The following IMMP2L variants were observed in gnomAD, a reference collection of about 807,000 sequenced individuals.
IMMP2L encodes the protein inner mitochondrial membrane peptidase subunit 2.
A neutral mutation model predicts 19.3 loss-of-function variants in IMMP2L; 18 were observed. The ratio of observed to expected loss-of-function variants is 0.93; its 90% confidence interval spans 0.64 to 1.38. The LOEUF is 1.38. Ranked by LOEUF, IMMP2L falls within the 40% of genes most tolerant of loss-of-function variation. The pLI, the probability that IMMP2L is intolerant of heterozygous loss-of-function variation, is 0.00. For synonymous variants in IMMP2L, 76 were observed against 73.0 expected (o/e 1.04, Z -0.21); for missense variants, 233 against 218.2 (o/e 1.07, Z -0.43).
intron 3 of IMMP2L, among the ~76,000 whole-genome samples, chr7:110,978,550 C>G (rs1162323322): frequency 6.6e-6 from 1 of 151,756 alleles, no homozygotes; most frequent in Non-Finnish European, 1.5e-5. Context: ...AGGTAAGTAA[C>G]AGTAAAGAAA....
At chr7:110,932,719 A>G (rs181183727) in intron 4 of IMMP2L, among the ~76,000 whole-genome samples, 1 of 152,268 alleles carries the variant, frequency 6.6e-6, no homozygotes, top group Admixed American at 6.5e-5. Context: ...TGCCTTTGCA[A>G]AAAAAGGGGA....
At chr7:111,436,340 T>C (rs75578523) in intron 3 of IMMP2L, among the ~76,000 whole-genome samples, 9,297 of 151,758 alleles carry the variant, frequency 0.061, 388 homozygotes, top group Middle Eastern at 0.089. Flanking sequence ...AAAAATGACA[T>C]TGGGCTGGAA....
chr7:111,481,077 C>T (rs920377894), intron 3 of IMMP2L, among the ~76,000 whole-genome samples: 1 of 152,092 alleles, frequency 6.6e-6, no homozygotes, highest in African/African-American at 2.4e-5. Context: ...CCACACTGGC[C>T]ATCTATCAGA....
intron 3 of IMMP2L, among the ~76,000 whole-genome samples, chr7:111,290,651 C>T (rs938318203): frequency 6.6e-6 from 1 of 152,072 alleles, no homozygotes; most frequent in African/African-American, 2.4e-5. Flanking sequence ...AAATAGGCAA[C>T]TGAGAAATAT....
At chr7:111,311,522 C>T (rs573353138) in intron 3 of IMMP2L, among the ~76,000 whole-genome samples, 4 of 152,104 alleles carry the variant, frequency 2.6e-5, no homozygotes, top group Non-Finnish European at 5.9e-5. Context: ...TGGTAAATGA[C>T]TGAGATCACA....
chr7:111,065,455 T>C (rs183606178), intron 3 of IMMP2L, among the ~76,000 whole-genome samples: 2 of 152,278 alleles, frequency 1.3e-5, no homozygotes, highest in Non-Finnish European at 2.9e-5. Context: ...ATACTGAGTG[T>C]CAACTTGATT....
chr7:110,890,668 G>C (rs1810699975), intron 4 of IMMP2L, among the ~76,000 whole-genome samples: 1 of 152,114 alleles, frequency 6.6e-6, no homozygotes, highest in Non-Finnish European at 1.5e-5. Flanking sequence ...AGCCTACAAG[G>C]TTGTATGTAT....
intron 2 of IMMP2L, among the ~76,000 whole-genome samples, chr7:111,517,785 T>TA (rs899216435): frequency 2.0e-5 from 3 of 152,034 alleles, no homozygotes; most frequent in African/African-American, 4.8e-5. Context: ...GCTTCTTTTT[T>TA]AAAAAAAGAA....
At chr7:111,377,667 T>C (rs1287799321) in intron 3 of IMMP2L, among the ~76,000 whole-genome samples, 1 of 152,054 alleles carries the variant, frequency 6.6e-6, no homozygotes, top group Non-Finnish European at 1.5e-5. Flanking sequence ...TTCTGTGATA[T>C]AACCACATTT....
chr7:111,344,960 G>A (rs1329510296), intron 3 of IMMP2L, among the ~76,000 whole-genome samples: 2 of 151,988 alleles, frequency 1.3e-5, no homozygotes, highest in Non-Finnish European at 2.9e-5. Flanking sequence ...AGAATATGAG[G>A]CAAAACAACA....
intron 5 of IMMP2L, among the ~76,000 whole-genome samples, chr7:110,851,935 C>T (rs1236573496): frequency 6.6e-6 from 1 of 151,972 alleles, no homozygotes; most frequent in Non-Finnish European, 1.5e-5. Context: ...GAGTCTACAT[C>T]CCTACCCTTG....
chr7:110,968,550 G>A (rs1405724268), intron 3 of IMMP2L, among the ~76,000 whole-genome samples: 1 of 152,118 alleles, frequency 6.6e-6, no homozygotes, highest in African/African-American at 2.4e-5. Context: ...ACATGTGCCT[G>A]TAGTCCCAGT....
intron 3 of IMMP2L, among the ~76,000 whole-genome samples, chr7:111,171,657 T>G (rs1806464097): frequency 6.6e-6 from 1 of 151,592 alleles, no homozygotes; most frequent in Admixed American, 6.6e-5. Context: ...AAAAGATTAA[T>G]ATCCTGAAGA....
rs548016220 is a variant in IMMP2L at position 111,456,241 on chromosome 7, G to A, written c.239+30997C>T. Among the ~76,000 whole-genome samples, 98 of 152,030 alleles carry A rather than the reference G, an allele frequency of 6.4e-4. 3 individuals are homozygous for A. The South Asian group carries it at 0.019, about 30-fold the overall frequency. ...CTAAAACAGTGGTAGGGGTGGTTTGGTCTCTAGCAGAAGGGCAAACAAGAT... is the reference window on the plus strand; with the variant it reads ...CTAAAACAGTGGTAGGGGTGGTTTGATCTCTAGCAGAAGGGCAAACAAGAT... On this transcript the variant is annotated intron_variant, in intron 3 of 5. Coordinates refer to ENST00000405709, the MANE Select transcript of IMMP2L (RefSeq NM_032549.4).
chr7:110,908,601 C>G (rs1303195150), intron 4 of IMMP2L, among the ~76,000 whole-genome samples: 3 of 152,178 alleles, frequency 2.0e-5, no homozygotes, highest in Admixed American at 2.0e-4. Flanking sequence ...AGAACTGTCT[C>G]TACTGTACAA....
intron 3 of IMMP2L, among the ~76,000 whole-genome samples, chr7:111,267,596 C>G (rs1304295922): frequency 1.3e-5 from 2 of 152,138 alleles, no homozygotes; most frequent in South Asian, 4.1e-4. Context: ...AATTCTCTCA[C>G]CGATTTACTG....
chr7:110,695,171 A>G (rs1252697784), intron 5 of IMMP2L, among the ~76,000 whole-genome samples: 1 of 152,118 alleles, frequency 6.6e-6, no homozygotes, highest in African/African-American at 2.4e-5. Context: ...ATGTTTGATG[A>G]CACAGAATTG....
intron 3 of IMMP2L, among the ~76,000 whole-genome samples, chr7:111,445,041 T>C (rs2131831694): frequency 6.6e-6 from 1 of 152,270 alleles, no homozygotes; most frequent in Non-Finnish European, 1.5e-5. Context: ...GGCATATAAA[T>C]ATATTTAAGG....
intron 3 of IMMP2L, among the ~76,000 whole-genome samples, chr7:111,384,532 C>T (rs1831544810): frequency 6.6e-6 from 1 of 152,042 alleles, no homozygotes; most frequent in Non-Finnish European, 1.5e-5. Flanking sequence ...GGCCTTGCTG[C>T]ACTCTATCAG....
Sources: gnomAD v4.1 joint callset for allele counts (sites outside exome capture counted in the v4.1 genomes callset) on GRCh38, gnomAD v4.1.1 for gene constraint, MANE v1.5 for transcripts, NCBI Gene and HGNC (gene_info 2026-07-23, HGNC 2026-07-21) for gene names.